The following PUS10 variants were observed in gnomAD, a reference collection of about 807,000 sequenced individuals.
PUS10 encodes tRNA pseudouridine synthase Pus10.
A neutral mutation model predicts 75.0 loss-of-function variants in PUS10; 59 were observed. The observed-to-expected ratio is 0.79, with a 90% confidence interval of 0.64 to 0.98. The LOEUF is 0.98. PUS10 is among the 50% of genes least tolerant of loss of function. The pLI is 0.00. For synonymous variants in PUS10, 219 were observed against 211.6 expected (o/e 1.03, Z -0.30); for missense variants, 650 against 614.4 (o/e 1.06, Z -0.61).
At chr2:60,971,583 A>G (rs1676666494) in intron 4 of PUS10, 26 bp from the exon 5 acceptor site, 2 of 1,609,354 alleles carry the variant, frequency 1.2e-6, no homozygotes, top group South Asian at 2.2e-5. Flanking sequence ...TCACACCCAG[A>G]AAGAGAAAAG....
chr2:60,974,521 C>T (rs1229978943), intron 4 of PUS10, among the ~76,000 whole-genome samples: 2 of 152,132 alleles, frequency 1.3e-5, no homozygotes, highest in Non-Finnish European at 2.9e-5. Flanking sequence ...CCCTTGCTCA[C>T]CACGGGGGAC....
chr2:60,961,391 C>T, intron 10 of PUS10, 72 bp downstream of exon 10: 1 of 1,067,160 alleles, frequency 9.4e-7, no homozygotes, highest in South Asian at 1.3e-5. Context: ...TAAAATAGAA[C>T]AGGAGTCAGC....
chr2:61,016,165 C>G (rs1360673051), intron 1 of PUS10, among the ~76,000 whole-genome samples: 2 of 152,212 alleles, frequency 1.3e-5, no homozygotes, highest in East Asian at 3.8e-4. Flanking sequence ...ACATTACAAT[C>G]TCCTGGCTCT....
chr2:60,965,570 A>C, intron 6 of PUS10, 86 bp from the exon 7 acceptor site: 1 of 987,152 alleles, frequency 1.0e-6, no homozygotes, highest in Non-Finnish European at 1.5e-6. Context: ...TTAATTCTCA[A>C]AGATTGGCTC....
At chr2:61,005,902 A>G (rs1319904418) in intron 4 of PUS10, among the ~76,000 whole-genome samples, 1 of 152,220 alleles carries the variant, frequency 6.6e-6, no homozygotes, top group Non-Finnish European at 1.5e-5. Flanking sequence ...TAGGGGAAAG[A>G]CATCTCATAA....
chr2:60,946,593 A>G (rs1318126799), intron 16 of PUS10, among the ~76,000 whole-genome samples: 1 of 152,206 alleles, frequency 6.6e-6, no homozygotes, highest in Non-Finnish European at 1.5e-5. Context: ...CAAAGATACA[A>G]AGATCTGTCC....
chr2:60,951,462 C>T (rs1349006079), intron 15 of PUS10, among the ~76,000 whole-genome samples: 1 of 152,182 alleles, frequency 6.6e-6, no homozygotes, highest in African/African-American at 2.4e-5. Flanking sequence ...TTTCCTGCAA[C>T]TAGAGGGTCC....
chr2:60,956,108 G>GTT (rs1553403854), intron 11 of PUS10, among the ~76,000 whole-genome samples: 1 of 151,422 alleles, frequency 6.6e-6, no homozygotes, highest in Non-Finnish European at 1.5e-5. Flanking sequence ...AAAAAAAAAT[G>GTT]TAAGGGGCTT....
intron 4 of PUS10, among the ~76,000 whole-genome samples, chr2:60,974,016 T>C (rs1676865143): frequency 6.6e-6 from 1 of 151,496 alleles, no homozygotes; most frequent in Non-Finnish European, 1.5e-5. Context: ...GCTGAAGAAA[T>C]GACAGACGAC....
chr2:60,953,113 C>G lies in PUS10; in HGVS notation c.1192G>C (p.Glu398Gln). ...CCTTCTTTCATATGTCCTATTGCCTCTCTAAACAAAAACAATTTTTAGAAG... is the reference window on the plus strand; with the variant it reads ...CCTTCTTTCATATGTCCTATTGCCTGTCTAAACAAAAACAATTTTTAGAAG... Reference protein sequence around the residue: ...QVRDLQLVTREAIGHMKEGEE... With the variant: ...QVRDLQLVTRQAIGHMKEGEE... The change falls in exon 15 of 18, where the codon GAG becomes CAG. Residue 398 changes from glutamate to glutamine, a missense_variant and splice_region_variant. Transcript: ENST00000316752. 3 of 1,526,158 alleles carry G rather than the reference C, an allele frequency of 2.0e-6. No homozygotes were observed. The highest frequency in any genetic ancestry group is 1.2e-5 in the South Asian group (1 of 84,898). 94.5% of individuals were successfully genotyped at this position (1,526,158 alleles called of 1,614,324 possible).
chr2:60,954,028 C>T, intron 13 of PUS10, 40 bp from the exon 14 acceptor site: 1 of 1,607,982 alleles, frequency 6.2e-7, no homozygotes, highest in East Asian at 2.2e-5. Flanking sequence ...GCAAGTCTAG[C>T]TCAGTTACAG....
intron 4 of PUS10, among the ~76,000 whole-genome samples, chr2:60,989,258 G>C (rs1677922936): frequency 6.6e-6 from 1 of 152,288 alleles, no homozygotes; most frequent in Non-Finnish European, 1.5e-5. Flanking sequence ...TTGACTGTTT[G>C]CAAAAGAGGC....
At chr2:60,997,105 A>G (rs114673715) in intron 4 of PUS10, among the ~76,000 whole-genome samples, 1 of 152,354 alleles carries the variant, frequency 6.6e-6, no homozygotes, top group Non-Finnish European at 1.5e-5. Flanking sequence ...CATTCACAGA[A>G]GCAAGTTCTT....
chr2:60,986,001 T>C (rs1192863635), intron 4 of PUS10, among the ~76,000 whole-genome samples: 1 of 137,274 alleles, frequency 7.3e-6, no homozygotes, highest in African/African-American at 2.7e-5. Flanking sequence ...CAAAGGAAAA[T>C]GCATTAAAAG....
In PUS10 at chr2:60,961,544, A is replaced by T; in HGVS notation, c.793T>A (p.Phe265Ile). The T allele has an allele frequency of 6.2e-7, 1 of 1,613,054 alleles. No homozygotes were observed. Among genetic ancestry groups the T allele is most frequent in the South Asian group, 1.1e-5 (1 of 91,046 alleles). ...KIKEEDFLKQ[F>I]PCPPNSPKAV... ...TTTGGTGAGTTTGGAGGACAAGGAAACTGCCTGCAAAACAAAATAAATTTT... is the reference window on the plus strand; with the variant it reads ...TTTGGTGAGTTTGGAGGACAAGGAATCTGCCTGCAAAACAAAATAAATTTT... The change falls in exon 10 of 18, where the codon TTT becomes ATT. Residue 265 changes from phenylalanine to isoleucine, a missense_variant. Transcript: ENST00000316752.
At chr2:60,999,850 G>C (rs1408367837) in intron 4 of PUS10, among the ~76,000 whole-genome samples, 1 of 152,072 alleles carries the variant, frequency 6.6e-6, no homozygotes, top group South Asian at 2.1e-4. Context: ...GCAGGTACAG[G>C]CTTTTTCCTG....
intron 4 of PUS10, among the ~76,000 whole-genome samples, chr2:60,972,534 G>T (rs562653313): frequency 6.6e-6 from 1 of 152,154 alleles, no homozygotes; most frequent in African/African-American, 2.4e-5. Flanking sequence ...GACTGACACT[G>T]AGATTTCTGT....
chr2:60,944,134 A>G (rs942520953), intron 17 of PUS10: 13 of 786,086 alleles, frequency 1.7e-5, no homozygotes, highest in Non-Finnish European at 2.0e-5. Flanking sequence ...TCTCAAAAAA[A>G]AAAAAAGATG....
chr2:61,010,507 A>G, intron 2 of PUS10: 1 of 236,806 alleles, frequency 4.2e-6, no homozygotes, highest in South Asian at 6.7e-5. Context: ...TTGTATTTTT[A>G]GTAGAGACAG....
Sources: allele counts gnomAD v4.1 joint callset (sites outside exome capture counted in the v4.1 genomes callset), GRCh38; gene constraint gnomAD v4.1.1; transcripts MANE v1.5; gene names NCBI Gene and HGNC (gene_info 2026-07-23, HGNC 2026-07-21).